The following APBB2 variants were observed in gnomAD, a reference collection of about 807,000 sequenced individuals.
The protein encoded by APBB2 is amyloid beta precursor protein binding family B member 2.
APBB2 carries 38 observed loss-of-function variants against 82.5 expected under a neutral mutation model. The ratio of observed to expected loss-of-function variants is 0.46; its 90% CI spans 0.36 to 0.60. The LOEUF is 0.60. APBB2 is among the 20% of genes least tolerant of loss of function. APBB2 has a pLI of 0.00. For missense variants in APBB2, 772 were observed against 972.3 expected, an observed-to-expected ratio of 0.79 and a Z score of 2.74; for synonymous variants, 341 against 368.2, an observed-to-expected ratio of 0.93 and a Z score of 0.85.
intron 1 of APBB2, among the ~76,000 whole-genome samples, chr4:41,191,492 C>A (rs1351606024): frequency 1.3e-5 from 2 of 152,144 alleles, no homozygotes; most frequent in South Asian, 2.1e-4. Flanking sequence ...TAATATTTCA[C>A]AAGCACACTA....
At chr4:41,154,382 T>C (rs1159641253) in intron 1 of APBB2, among the ~76,000 whole-genome samples, 2 of 152,204 alleles carry the variant, frequency 1.3e-5, no homozygotes, top group African/African-American at 2.4e-5. Flanking sequence ...CAAAGGATGG[T>C]CGTCCTTGCC....
intron 6 of APBB2, among the ~76,000 whole-genome samples, chr4:40,982,507 C>A (rs1183229646): frequency 6.6e-6 from 1 of 150,620 alleles, no homozygotes; most frequent in Non-Finnish European, 1.5e-5. Flanking sequence ...AAAACCAGCT[C>A]CCAATGTAGC....
intron 1 of APBB2, among the ~76,000 whole-genome samples, chr4:41,171,521 A>G (rs748043890): frequency 1.3e-5 from 2 of 152,234 alleles, no homozygotes; most frequent in Non-Finnish European, 2.9e-5. Context: ...GCCAAGAACC[A>G]AACTTATGCC....
chr4:41,077,171 ATTTT>A (rs368187037), intron 3 of APBB2, among the ~76,000 whole-genome samples: 2 of 129,964 alleles, frequency 1.5e-5, no homozygotes, highest in African/African-American at 2.9e-5. Flanking sequence ...CACCCAGCTA[ATTTT>A]TTTTTTTTTT....
chr4:41,126,790 G>C (rs547284176), intron 2 of APBB2, among the ~76,000 whole-genome samples: 2 of 152,204 alleles, frequency 1.3e-5, no homozygotes, highest in South Asian at 4.1e-4. Context: ...ACGTGTCTGT[G>C]CCTAATTTCT....
At chr4:40,959,506 C>T (rs1172932360) in intron 6 of APBB2, among the ~76,000 whole-genome samples, 3 of 152,182 alleles carry the variant, frequency 2.0e-5, no homozygotes, top group Non-Finnish European at 4.4e-5. Context: ...TTGATCAACT[C>T]CAACGTCATT....
chr4:41,130,633 T>G (rs180979154), intron 2 of APBB2, among the ~76,000 whole-genome samples: 6 of 152,068 alleles, frequency 3.9e-5, no homozygotes, highest in Non-Finnish European at 8.8e-5. Flanking sequence ...TAACTACATC[T>G]CATATTCTCC....
chr4:41,144,036 T>C (rs948519198), intron 1 of APBB2, among the ~76,000 whole-genome samples: 4 of 152,202 alleles, frequency 2.6e-5, no homozygotes, highest in Non-Finnish European at 5.9e-5. Flanking sequence ...GAGGGAATCT[T>C]ATGAAAGCAA....
intron 6 of APBB2, among the ~76,000 whole-genome samples, chr4:40,952,901 T>C (rs891571495): frequency 2.0e-5 from 3 of 152,218 alleles, no homozygotes; most frequent in South Asian, 2.1e-4. Flanking sequence ...TTGTCATAGC[T>C]GCCCTATGAA....
intron 12 of APBB2, among the ~76,000 whole-genome samples, chr4:40,851,195 G>A (rs1437920106): frequency 1.3e-5 from 2 of 152,146 alleles, no homozygotes; most frequent in South Asian, 2.1e-4. Flanking sequence ...AATAATTCTC[G>A]TTACAGGTGA....
intron 1 of APBB2, among the ~76,000 whole-genome samples, chr4:41,192,217 G>C (rs902169888): frequency 6.6e-5 from 10 of 152,156 alleles, no homozygotes; most frequent in Non-Finnish European, 1.5e-4. Flanking sequence ...AGTCATTATG[G>C]AAAACAGTAT....
chr4:40,882,794 G>A (rs1769029831), intron 12 of APBB2, among the ~76,000 whole-genome samples: 1 of 152,184 alleles, frequency 6.6e-6, no homozygotes, highest in South Asian at 2.1e-4. Context: ...AGGCCGTGGG[G>A]GTGAGAAACT....
At chr4:41,043,811 A>C (rs933555334) in intron 4 of APBB2, among the ~76,000 whole-genome samples, 1 of 152,176 alleles carries the variant, frequency 6.6e-6, no homozygotes, top group Non-Finnish European at 1.5e-5. Flanking sequence ...TTTAATCTAC[A>C]TCGCCTCTAT....
chr4:40,945,874 C>CT (rs1375407539), intron 6 of APBB2, among the ~76,000 whole-genome samples: 6 of 152,200 alleles, frequency 3.9e-5, no homozygotes, highest in African/African-American at 1.4e-4. Context: ...TCCCAAAGTG[C>CT]TGGGACTACA....
intron 1 of APBB2, among the ~76,000 whole-genome samples, chr4:41,197,333 T>C: frequency 6.6e-6 from 1 of 152,192 alleles, no homozygotes; most frequent in African/African-American, 2.4e-5. Context: ...GAACTAAAAA[T>C]ATTTGATGAG....
chr4:41,066,555 G>A (rs1225024214), intron 3 of APBB2, among the ~76,000 whole-genome samples: 1 of 152,176 alleles, frequency 6.6e-6, no homozygotes, highest in African/African-American at 2.4e-5. Flanking sequence ...ATCAAGCATG[G>A]GCGTCTAGTC....
intron 3 of APBB2, among the ~76,000 whole-genome samples, chr4:41,085,697 G>A (rs1284079195): frequency 6.6e-6 from 1 of 152,062 alleles, no homozygotes; most frequent in Non-Finnish European, 1.5e-5. Flanking sequence ...AAAAATGGCA[G>A]AGACATTCAA....
rs10694468 is a variant in APBB2 at position 41,000,105 on chromosome 4, G to GTGTGTGTGTGTGTGTGTGTGTA, written c.835+13477_835+13478insTACACACACACACACACACACA. Among the ~76,000 whole-genome samples, 315 of 135,096 alleles carry GTGTGTGTGTGTGTGTGTGTGTA rather than the reference G, an allele frequency of 2.3e-3. 8 individuals are homozygous for GTGTGTGTGTGTGTGTGTGTGTA. Among genetic ancestry groups the GTGTGTGTGTGTGTGTGTGTGTA allele is most frequent in the South Asian group, 4.6e-3 (19 of 4,170 alleles). The allele number at this position is 135,096 out of a possible 152,430, so 88.6% of individuals were successfully genotyped here. ...TGTGTGTGTGTGTGTGTGTGTGTGTGTATAAATTAGCCAGGTGTGGTGGTG... is the reference window on the plus strand; with the variant it reads ...TGTGTGTGTGTGTGTGTGTGTGTGTGTGTGTGTGTGTGTGTGTGTGTATATAAATTAGCCAGGTGTGGTGGTG... On this transcript the variant is annotated intron_variant, in intron 6 of 17. Transcript: ENST00000508593.
chr4:40,900,034 G>A (rs930711581), intron 10 of APBB2, among the ~76,000 whole-genome samples: 7 of 152,204 alleles, frequency 4.6e-5, no homozygotes, highest in African/African-American at 1.4e-4. Flanking sequence ...GAGAGACAGT[G>A]ACCAAAAGGT....
Sources: allele counts gnomAD v4.1 joint callset (sites outside exome capture counted in the v4.1 genomes callset), GRCh38; gene constraint gnomAD v4.1.1; transcripts MANE v1.5; gene names NCBI Gene and HGNC (gene_info 2026-07-23, HGNC 2026-07-21).